CDCA2: variants seen among roughly 807,000 people sequenced by gnomAD.
The protein encoded by CDCA2 is cell division cycle associated 2.
CDCA2 carries 44 observed loss-of-function variants against 67.0 expected under a neutral mutation model. That is an observed-to-expected ratio of 0.66 (90% confidence interval 0.52 to 0.84). The LOEUF (loss-of-function observed/expected upper bound fraction) is 0.84. Ranked by LOEUF, CDCA2 falls within the 40% of genes least tolerant of loss-of-function variation. The probability of loss-of-function intolerance (pLI) is 0.00; values close to 1 mark genes in which losing one functional copy is unlikely to be tolerated. For missense variants in CDCA2, 1,253 were observed against 1,203.2 expected (o/e 1.04, Z -0.61); for synonymous variants, 447 against 418.7 (o/e 1.07, Z -0.82).
In CDCA2 at chr8:25,462,054, G is replaced by T; in HGVS notation, c.233G>T (p.Gly78Val). ...AATTTATAAGAGAGTTTCATTACAG[G>T]AAAGTCATCATCCTACCTTAAAAAA... is the stretch of plus-strand genomic sequence containing the variant. ...TPESFVRNSAGKSSSYLKKCR... is the reference protein window; with the variant it reads ...TPESFVRNSAVKSSSYLKKCR... The change falls in exon 4 of 15, where the codon GGA becomes GTA. Residue 78 changes from glycine to valine, a missense_variant and splice_region_variant. Transcript: ENST00000330560. 1 of 1,612,500 alleles carries T rather than the reference G, an allele frequency of 6.2e-7. No homozygotes were observed. Among genetic ancestry groups the T allele is most frequent in the Non-Finnish European group, 8.5e-7 (1 of 1,178,748 alleles).
chr8:25,473,934 C>G (rs1041141318), intron 7 of CDCA2, among the ~76,000 whole-genome samples: 17 of 152,190 alleles, frequency 1.1e-4, no homozygotes, highest in Non-Finnish European at 2.2e-4. Flanking sequence ...TTCTGACTTG[C>G]TCCTTTCCCC....
Position 25,506,884 on chromosome 8 carries a change from T to C in CDCA2, c.2218T>C (p.Ser740Pro), listed in dbSNP as rs1287486277. The C allele has an allele frequency of 1.9e-6, 3 of 1,612,400 alleles. No homozygotes were observed. The highest frequency in any genetic ancestry group is 2.5e-6 in the Non-Finnish European group (3 of 1,179,332). Residue 740 changes from serine (S) to proline (P), a missense_variant, in exon 15 of 15, where the codon TCT becomes CCT. Transcript: ENST00000330560. ...GACCCTGCAGCAGGGTCAAGAATTT[T>C]CTGCTGGTGGTCAAAATGCAGAAAA... is the stretch of plus-strand genomic sequence containing the variant. ...ALTLQQGQEFSAGGQNAENLC... is the reference protein window; with the variant it reads ...ALTLQQGQEFPAGGQNAENLC...
At chr8:25,459,512 G>C (rs1282402252) in intron 1 of CDCA2, 39 bp downstream of exon 1, 1 of 152,478 alleles carries the variant, frequency 6.6e-6, no homozygotes, top group East Asian at 1.9e-4. Context: ...CTGTTTCTCC[G>C]GGGCATTTCT....
chr8:25,467,959 T>C (rs1240846829), intron 5 of CDCA2, among the ~76,000 whole-genome samples: 1 of 151,440 alleles, frequency 6.6e-6, no homozygotes, highest in Non-Finnish European at 1.5e-5. Context: ...CTCTACTAAA[T>C]ATACGAAGAT....
At chr8:25,479,687 A>C in intron 7 of CDCA2, 1 of 540,824 alleles carries the variant, frequency 1.8e-6, no homozygotes, top group Non-Finnish European at 3.3e-6. Flanking sequence ...CCCCATACCC[A>C]CTTTACCCTT....
rs1197019454 is a variant in CDCA2, at chr8:25,506,566, A to T, written c.1900A>T (p.Lys634Ter). The T allele has an allele frequency of 6.3e-7, 1 of 1,599,548 alleles. No individual in the cohort carries two copies. Among genetic ancestry groups the T allele is most frequent in the Admixed American group, 1.8e-5 (1 of 55,798 alleles). ...EEVKTPKNPV[K>*]RKDLLRHDPD... ...AGTGAAGACTCCTAAAAATCCAGTGAAAAGAAAGGATCTTTTGCGTCATGA... is the reference window on the plus strand; with the variant it reads ...AGTGAAGACTCCTAAAAATCCAGTGTAAAGAAAGGATCTTTTGCGTCATGA... The change falls in exon 15 of 15, where the codon AAA becomes TAA. Residue 634 changes from lysine to a stop codon, truncating the protein, a stop_gained. Transcript: ENST00000330560. LOFTEE classifies it low-confidence loss of function (END_TRUNC).
At chr8:25,503,234 G>A (rs893325396) in intron 13 of CDCA2, 139 bp from the exon 14 acceptor site, 3 of 654,606 alleles carry the variant, frequency 4.6e-6, no homozygotes, top group Non-Finnish European at 7.8e-6. Flanking sequence ...AGTGAGCTGA[G>A]ATTGTGCCAC....
At chr8:25,464,040 C>A (rs1026215056) in intron 4 of CDCA2, among the ~76,000 whole-genome samples, 1 of 152,200 alleles carries the variant, frequency 6.6e-6, no homozygotes, top group Non-Finnish European at 1.5e-5. Context: ...AGGGACTCAG[C>A]CACATTCCTG....
chr8:25,489,338 T>A (rs750964595), intron 13 of CDCA2, among the ~76,000 whole-genome samples: 10 of 152,154 alleles, frequency 6.6e-5, no homozygotes, highest in Non-Finnish European at 1.2e-4. Context: ...GCCTATTCAC[T>A]CTCTTACTCT....
chr8:25,481,893 T>C (rs1803586056), intron 8 of CDCA2, among the ~76,000 whole-genome samples: 1 of 152,226 alleles, frequency 6.6e-6, no homozygotes, highest in South Asian at 2.1e-4. Context: ...AAAAATGAAC[T>C]GACTTGAGAG....
In CDCA2 at chr8:25,462,090, G is replaced by A; in HGVS notation, c.269G>A (p.Arg90His). ...TCCTACCTTAAAAAATGTAGACGAC[G>A]TTCTGCAGTCGGTGCTCGGGGCTCT... is the stretch of plus-strand genomic sequence containing the variant. Reference protein sequence around the residue: ...SSSYLKKCRRRSAVGARGSPE... With the variant: ...SSSYLKKCRRHSAVGARGSPE... Residue 90 changes from arginine to histidine, a missense_variant, in exon 4 of 15, where the codon CGT becomes CAT. Arg to His is a conservative substitution (Grantham distance 29). Coordinates refer to ENST00000330560, the MANE Select transcript of CDCA2 (RefSeq NM_152562.4). 3 of 1,614,144 alleles carry A rather than the reference G, an allele frequency of 1.9e-6. No homozygotes were observed. Among genetic ancestry groups the A allele is most frequent in the East Asian group, 2.2e-5 (1 of 44,876 alleles).
At chr8:25,505,276 A>G (rs1804633365) in intron 14 of CDCA2, among the ~76,000 whole-genome samples, 1 of 152,088 alleles carries the variant, frequency 6.6e-6, no homozygotes, top group African/African-American at 2.4e-5. Context: ...ATCTTGGCTC[A>G]CTGCAACCTC....
Position 25,506,405 on chromosome 8 carries a change from C to T in CDCA2, c.1844-105C>T, listed in dbSNP as rs982458287. On this transcript the variant is annotated intron_variant, in intron 14 of 14. Transcript: ENST00000330560. ...GTAACATTTGTGGGTCTTGTGAATG[C>T]TTAAAACACAAAAACAAAACAGGTC... is the stretch of plus-strand genomic sequence containing the variant. 16 of 1,079,154 alleles carry T rather than the reference C, an allele frequency of 1.5e-5. No homozygotes were observed. The Admixed American group carries it at 4.6e-4, about 31-fold the overall frequency. The allele number at this position is 1,079,154 out of a possible 1,614,324, so 66.8% of individuals were successfully genotyped here.
intron 4 of CDCA2, among the ~76,000 whole-genome samples, chr8:25,465,931 G>GT (rs1563259907): frequency 6.6e-6 from 1 of 152,108 alleles, no homozygotes; most frequent in South Asian, 2.1e-4. Context: ...AGAGCGCAAT[G>GT]TTTTTTTGGC....
At chr8:25,474,773 A>G (rs903089863) in intron 7 of CDCA2, among the ~76,000 whole-genome samples, 17 of 152,196 alleles carry the variant, frequency 1.1e-4, no homozygotes, top group African/African-American at 3.6e-4. Context: ...GTAGTTGGGC[A>G]GAACCATGTG....
Position 25,488,625 on chromosome 8 carries a change from AAATT to A in CDCA2, c.1611_1614del (p.Asn538GlyfsTer21), listed in dbSNP as rs1368250120. 8.1e-6 allele frequency: 13 copies of A among 1,613,230 alleles called. No individual in the cohort carries two copies. Among genetic ancestry groups the A allele is most frequent in the Admixed American group, 5.0e-5 (3 of 59,912 alleles). Reference sequence around the variant, plus strand: ...GAAGTTCAGCCTTGTAAAGAAAAGAAAATTAATAGGAGGAAGTCTCAAGAAACAA... The same window carrying A: ...GAAGTTCAGCCTTGTAAAGAAAAGAAAATAGGAGGAAGTCTCAAGAAACAA... On this transcript the variant is annotated frameshift_variant, in exon 13 of 15. Transcript: ENST00000330560. LOFTEE classifies it high-confidence loss of function.
In CDCA2 at chr8:25,462,178, A is replaced by G; in HGVS notation, c.357A>G (p.Lys119=). 1 of 1,614,084 alleles carries G rather than the reference A, an allele frequency of 6.2e-7. No individual in the cohort carries two copies. The part of the protein sequence containing the change: ...ARQQNIKNAR[K]SPLAQDSPSQ... ...AGCAAAATATAAAGAATGCTAGGAAATCTCCTTTGGCACAAGATTCTCCTT... is the reference window on the plus strand; with the variant it reads ...AGCAAAATATAAAGAATGCTAGGAAGTCTCCTTTGGCACAAGATTCTCCTT... Residue 119 remains lysine (K), a synonymous_variant, in exon 4 of 15, where the codon AAA becomes AAG. Transcript: ENST00000330560.
intron 13 of CDCA2, 83 bp downstream of exon 13, chr8:25,488,772 T>C: frequency 7.4e-7 from 1 of 1,356,344 alleles, no homozygotes; most frequent in Non-Finnish European, 9.6e-7. Flanking sequence ...AGAAACACAT[T>C]TTTTTCCAGT....
At chr8:25,506,146 A>G (rs1804667546) in intron 14 of CDCA2, among the ~76,000 whole-genome samples, 1 of 152,168 alleles carries the variant, frequency 6.6e-6, no homozygotes. Flanking sequence ...AATGTTGCCC[A>G]TTTGCAGTCA....
Sources: gnomAD v4.1 joint callset for allele counts (sites outside exome capture counted in the v4.1 genomes callset) on GRCh38, gnomAD v4.1.1 for gene constraint, MANE v1.5 for transcripts, NCBI Gene and HGNC (gene_info 2026-07-23, HGNC 2026-07-21) for gene names.